Variants in PTPRD observed in about 807,000 individuals in gnomAD.
PTPRD encodes receptor-type tyrosine-protein phosphatase delta.
PTPRD carries 34 observed loss-of-function variants against 214.5 expected under a neutral mutation model. The observed-to-expected ratio is 0.16, with a 90% CI of 0.12 to 0.21. PTPRD has a LOEUF of 0.21. Ranked by LOEUF, PTPRD falls within the 10% of genes least tolerant of loss-of-function variation. PTPRD has a pLI of 1.00. For missense variants in PTPRD, 2,545 were observed against 2,398.7 expected, an observed-to-expected ratio of 1.06 and a Z score of -1.27; for synonymous variants, 1,128 against 845.7, an observed-to-expected ratio of 1.33 and a Z score of -5.79.
At chr9:9,824,382 C>G (rs2051924933) in intron 5 of PTPRD, among the ~76,000 whole-genome samples, 1 of 151,982 alleles carries the variant, frequency 6.6e-6, no homozygotes, top group South Asian at 2.1e-4. Flanking sequence ...GTATTTTTCA[C>G]ATGCTGTTTA....
chr9:9,703,868 G>GA lies in PTPRD; in HGVS notation c.-287+30664dup, dbSNP rs1409363998. ...AGAATGCAATAAACTTTATCCAGTA[G>GA]AAAAAATAATTACTTGATTAATTTT... On this transcript the variant is annotated intron_variant, in intron 7 of 45. Transcript: ENST00000381196. Among the ~76,000 whole-genome samples the GA allele has an allele frequency of 7.2e-5, 11 of 152,142 alleles. 1 individual carries two copies. The East Asian group carries it at 1.9e-3, about 27-fold the overall frequency.
intron 9 of PTPRD, among the ~76,000 whole-genome samples, chr9:9,295,386 G>A (rs1952650178): frequency 6.6e-6 from 1 of 151,562 alleles, no homozygotes; most frequent in South Asian, 2.1e-4. Context: ...AAAATAAAGT[G>A]TAACTGACAG....
intron 11 of PTPRD, among the ~76,000 whole-genome samples, chr9:8,824,113 T>G (rs1040819761): frequency 2.0e-5 from 3 of 152,204 alleles, no homozygotes; most frequent in Non-Finnish European, 4.4e-5. Flanking sequence ...CCTTTACTGT[T>G]ACCTTTTATT....
chr9:10,277,661 C>T (rs531167251), intron 3 of PTPRD, among the ~76,000 whole-genome samples: 4 of 152,312 alleles, frequency 2.6e-5, no homozygotes, highest in Middle Eastern at 3.4e-3. Context: ...TATCTGAGTT[C>T]TATCCCTACA....
At chr9:10,472,896 T>A (rs1247946702) in intron 2 of PTPRD, among the ~76,000 whole-genome samples, 1 of 151,948 alleles carries the variant, frequency 6.6e-6, no homozygotes, top group African/African-American at 2.4e-5. Context: ...TTTAAAAAAA[T>A]TATAGTATTT....
chr9:8,523,535 T>C lies in PTPRD; in HGVS notation c.680-11A>G, dbSNP rs375551213. 27 of 1,612,864 alleles carry C rather than the reference T, an allele frequency of 1.7e-5. No individual in the cohort carries two copies. In the African/African-American group the frequency reaches 3.2e-4, roughly 19 times the overall value. On this transcript the variant is annotated splice_polypyrimidine_tract_variant and intron_variant, in intron 18 of 45. Coordinates refer to ENST00000381196, the MANE Select transcript of PTPRD (RefSeq NM_002839.4). ...AACCTTCTCGCAGCTCTGAGGGATG[T>C]AGGGGGTTTGATGCAGAACACAATG...
At chr9:10,263,981 T>C (rs1175224442) in intron 3 of PTPRD, among the ~76,000 whole-genome samples, 1 of 152,120 alleles carries the variant, frequency 6.6e-6, no homozygotes, top group Non-Finnish European at 1.5e-5. Context: ...GGGCATGGCT[T>C]CAGAGGGTGC....
At chr9:10,589,659 C>A (rs79078769) in intron 2 of PTPRD, among the ~76,000 whole-genome samples, 3,271 of 151,966 alleles carry the variant, frequency 0.022, 117 homozygotes, top group African/African-American at 0.074. Flanking sequence ...AACCTTTGAC[C>A]CAGCAAATTC....
chr9:9,394,868 T>A (rs1337771921), intron 9 of PTPRD, among the ~76,000 whole-genome samples: 1 of 152,088 alleles, frequency 6.6e-6, no homozygotes, highest in East Asian at 1.9e-4. Flanking sequence ...ACTCTACTCC[T>A]CCTTCCATGC....
At chr9:8,727,708 T>G (rs1270863803) in intron 12 of PTPRD, among the ~76,000 whole-genome samples, 26 of 152,138 alleles carry the variant, frequency 1.7e-4, no homozygotes, top group Admixed American at 1.6e-3. Context: ...ACGGCTGCAG[T>G]GCAGTGATGT....
chr9:10,543,001 T>C (rs2059450191), intron 2 of PTPRD, among the ~76,000 whole-genome samples: 1 of 152,146 alleles, frequency 6.6e-6, no homozygotes, highest in Admixed American at 6.5e-5. Flanking sequence ...TGCACCTTCC[T>C]TGGTCTCCCA....
At chr9:8,665,118 A>T (rs930237755) in intron 12 of PTPRD, among the ~76,000 whole-genome samples, 1 of 152,222 alleles carries the variant, frequency 6.6e-6, no homozygotes, top group African/African-American at 2.4e-5. Context: ...CTGAGTTCGA[A>T]TTTTTTTGGA....
intron 5 of PTPRD, among the ~76,000 whole-genome samples, chr9:9,936,192 C>T (rs904185756): frequency 6.7e-6 from 1 of 148,468 alleles, no homozygotes; most frequent in East Asian, 2.0e-4. Context: ...TCTAAAACAC[C>T]AAAAGCAATG....
At chr9:9,250,933 G>T (rs2099975218) in intron 9 of PTPRD, among the ~76,000 whole-genome samples, 2 of 151,990 alleles carry the variant, frequency 1.3e-5, no homozygotes, top group South Asian at 4.1e-4. Flanking sequence ...TTCAGCAAGG[G>T]AGAAGAGAAA....
chr9:10,177,236 G>A (rs759278101), intron 3 of PTPRD, among the ~76,000 whole-genome samples: 1 of 151,874 alleles, frequency 6.6e-6, no homozygotes, highest in South Asian at 2.1e-4. Context: ...GGAAAGGTGA[G>A]TAAGGAGCCA....
At chr9:10,597,041 A>G (rs1340895239) in intron 2 of PTPRD, among the ~76,000 whole-genome samples, 2 of 151,388 alleles carry the variant, frequency 1.3e-5, no homozygotes, top group Non-Finnish European at 3.0e-5. Flanking sequence ...ACAGGGTCCT[A>G]TCTAGGTTAT....
chr9:9,087,565 A>G (rs2099768978), intron 10 of PTPRD, among the ~76,000 whole-genome samples: 1 of 152,180 alleles, frequency 6.6e-6, no homozygotes, highest in African/African-American at 2.4e-5. Context: ...AGTGATTTCA[A>G]GGAAAATACA....
At chr9:9,223,701 T>C (rs1021003647) in intron 9 of PTPRD, among the ~76,000 whole-genome samples, 3 of 151,978 alleles carry the variant, frequency 2.0e-5, no homozygotes, top group Admixed American at 1.3e-4. Flanking sequence ...AAAAACAGGA[T>C]AAAACCAACA....
At chr9:9,795,130 G>A (rs1273483174) in intron 5 of PTPRD, among the ~76,000 whole-genome samples, 2 of 152,190 alleles carry the variant, frequency 1.3e-5, no homozygotes, top group Non-Finnish European at 2.9e-5. Context: ...ACTATGTATA[G>A]TTAAGGCTCC....
Sources: allele counts gnomAD v4.1 joint callset (sites outside exome capture counted in the v4.1 genomes callset), GRCh38; gene constraint gnomAD v4.1.1; transcripts MANE v1.5; gene names NCBI Gene and HGNC (gene_info 2026-07-23, HGNC 2026-07-21).